GPHN: variants seen among roughly 807,000 people sequenced by gnomAD.
The protein encoded by GPHN is gephyrin.
In GPHN, 17 loss-of-function variants were observed where a neutral mutation model predicts 95.5. The observed-to-expected ratio is 0.18, with a 90% CI of 0.12 to 0.27. The LOEUF is 0.27. Among genes scored for constraint, GPHN ranks in the 10% least tolerant of loss-of-function variants. GPHN has a pLI of 1.00. For missense variants in GPHN, 660 were observed against 978.1 expected (o/e 0.67, Z 4.34); for synonymous variants, 320 against 322.5 (o/e 0.99, Z 0.08).
At chr14:66,847,662 A>G (rs1461108907) in intron 4 of GPHN, among the ~76,000 whole-genome samples, 1 of 152,132 alleles carries the variant, frequency 6.6e-6, no homozygotes, top group African/African-American at 2.4e-5. Flanking sequence ...TCTCCACTGA[A>G]TGACAGCAGA....
intron 19 of GPHN, among the ~76,000 whole-genome samples, chr14:67,163,899 C>T (rs1367517375): frequency 1.3e-5 from 2 of 151,980 alleles, no homozygotes; most frequent in African/African-American, 2.4e-5. Context: ...GCCACTCACT[C>T]CTTCCACCCC....
the GPHN span, among the ~76,000 whole-genome samples, chr14:67,339,512 T>A: frequency 5.2e-3 from 792 of 152,226 alleles, 7 homozygotes; most frequent in African/African-American, 0.019. Flanking sequence ...TGCCCTCACC[T>A]ACCTCCCATT....
intron 11 of GPHN, among the ~76,000 whole-genome samples, chr14:67,068,441 G>A (rs1210610807): frequency 2.0e-5 from 3 of 152,178 alleles, no homozygotes; most frequent in Non-Finnish European, 4.4e-5. Context: ...TAACATTTAT[G>A]ATTCATTTTC....
At chr14:67,318,915 A>G in the GPHN span, among the ~76,000 whole-genome samples, 1 of 152,110 alleles carries the variant, frequency 6.6e-6, no homozygotes, top group Non-Finnish European at 1.5e-5. Context: ...AAAATTAGCC[A>G]GGCGTGATGG....
At chr14:67,060,104 T>A (rs1287623592) in intron 11 of GPHN, among the ~76,000 whole-genome samples, 1 of 152,054 alleles carries the variant, frequency 6.6e-6, no homozygotes, top group Non-Finnish European at 1.5e-5. Flanking sequence ...ATCCCTGGTT[T>A]TTTCTTTTTT....
chr14:67,707,610 G>C, the GPHN span, among the ~76,000 whole-genome samples: 155 of 152,268 alleles, frequency 1.0e-3, no homozygotes, highest in African/African-American at 3.5e-3. Flanking sequence ...TATATTTTTA[G>C]TAGAGATGGG....
chr14:67,600,198 C>T, the GPHN span: 2 of 1,575,050 alleles, frequency 1.3e-6, no homozygotes, highest in Admixed American at 1.8e-5. Context: ...TCCGCTCATC[C>T]TCCATGACGC....
At chr14:67,413,266 A>T in the GPHN span, among the ~76,000 whole-genome samples, 1,989 of 152,008 alleles carry the variant, frequency 0.013, 51 homozygotes, top group African/African-American at 0.045. Context: ...ACATTTTTTT[A>T]AAATTTATTT....
the GPHN span, chr14:67,678,448 A>C: frequency 2.0e-6 from 3 of 1,506,750 alleles, no homozygotes; most frequent in Admixed American, 5.0e-5. Flanking sequence ...GAAAGGTATG[A>C]AGCACAGTGT....
chr14:67,591,941 T>C, the GPHN span: 29 of 151,730 alleles, frequency 1.9e-4, no homozygotes, highest in African/African-American at 7.0e-4. Flanking sequence ...TATTATACAA[T>C]TATTTAAAAT....
At chr14:67,386,177 A>G in the GPHN span, 1 of 152,662 alleles carries the variant, frequency 6.6e-6, no homozygotes, top group Non-Finnish European at 1.5e-5. Flanking sequence ...AAAAAAACTA[A>G]TTCCAGGGAC....
chr14:67,629,061 G>A, the GPHN span, among the ~76,000 whole-genome samples: 2 of 152,092 alleles, frequency 1.3e-5, no homozygotes, highest in Admixed American at 6.6e-5. Flanking sequence ...GGGCTGGGTG[G>A]GGTGGCTCAT....
chr14:67,134,107 A>T (rs1016334420), intron 17 of GPHN, among the ~76,000 whole-genome samples: 11 of 152,236 alleles, frequency 7.2e-5, no homozygotes, highest in Admixed American at 6.5e-4. Context: ...GAATCACAGT[A>T]TCTTATTCTG....
the GPHN span, among the ~76,000 whole-genome samples, chr14:67,380,400 A>T: frequency 1.3e-5 from 2 of 152,302 alleles, no homozygotes; most frequent in Admixed American, 1.3e-4. Context: ...GTAATCAATT[A>T]TAGTAGAATA....
intron 9 of GPHN, among the ~76,000 whole-genome samples, chr14:66,972,451 G>A (rs2069872766): frequency 6.6e-6 from 1 of 151,664 alleles, no homozygotes; most frequent in Non-Finnish European, 1.5e-5. Flanking sequence ...AAGTAAAAAT[G>A]GTATTCTGTA....
At chr14:66,790,745 G>A (rs950578080) in intron 3 of GPHN, among the ~76,000 whole-genome samples, 20 of 152,230 alleles carry the variant, frequency 1.3e-4, no homozygotes, top group Admixed American at 3.3e-4. Flanking sequence ...GGAAGCCAGA[G>A]AAAGTCCCAC....
chr14:67,301,445 G>A, the GPHN span: 1 of 1,610,456 alleles, frequency 6.2e-7, no homozygotes, highest in East Asian at 2.2e-5. Context: ...TAACTGCTTT[G>A]CTGAATACTC....
intron 3 of GPHN, among the ~76,000 whole-genome samples, chr14:66,823,510 A>G (rs1814831080): frequency 1.3e-5 from 2 of 152,210 alleles, no homozygotes; most frequent in African/African-American, 4.8e-5. Context: ...AAAGTTCTTT[A>G]GATGGGCTCT....
At chr14:67,221,676 A>G in the GPHN span, 50 of 1,534,426 alleles carry the variant, frequency 3.3e-5, no homozygotes, top group Non-Finnish European at 4.4e-5. Context: ...TACTACCCAC[A>G]GAGCATTTAA....
Sources: gnomAD v4.1 joint callset for allele counts (sites outside exome capture counted in the v4.1 genomes callset) on GRCh38, gnomAD v4.1.1 for gene constraint, MANE v1.5 for transcripts, NCBI Gene and HGNC (gene_info 2026-07-23, HGNC 2026-07-21) for gene names.